Variants in UNC5D observed in about 807,000 individuals in gnomAD.
The protein encoded by UNC5D is unc-5 netrin receptor D, also known as netrin receptor UNC5D.
A neutral mutation model predicts 105.4 loss-of-function variants in UNC5D; 39 were observed. That is an observed-to-expected ratio of 0.37 (90% CI 0.29 to 0.48). The LOEUF (loss-of-function observed/expected upper bound fraction) is 0.48. Among genes scored for constraint, UNC5D ranks in the 20% least tolerant of loss-of-function variants. The probability of loss-of-function intolerance (pLI) is 0.98; values close to 1 mark genes in which losing one functional copy is unlikely to be tolerated. For synonymous variants in UNC5D, 452 were observed against 450.4 expected, an observed-to-expected ratio of 1.00 and a Z score of -0.04; for missense variants, 991 against 1,202.4, an observed-to-expected ratio of 0.82 and a Z score of 2.60.
intron 4 of UNC5D, among the ~76,000 whole-genome samples, chr8:35,632,177 A>G (rs1170354700): frequency 6.6e-6 from 1 of 152,238 alleles, no homozygotes; most frequent in Non-Finnish European, 1.5e-5. Flanking sequence ...GTCACTGGAT[A>G]TGCATTCATT....
intron 4 of UNC5D, among the ~76,000 whole-genome samples, chr8:35,675,263 A>T (rs1318166207): frequency 6.6e-6 from 1 of 152,174 alleles, no homozygotes; most frequent in Non-Finnish European, 1.5e-5. Context: ...CTCTATCCGT[A>T]AAATACAGTT....
At chr8:35,452,543 C>T (rs571476567) in intron 1 of UNC5D, among the ~76,000 whole-genome samples, 16 of 152,222 alleles carry the variant, frequency 1.1e-4, no homozygotes, top group African/African-American at 3.6e-4. Context: ...GGATTACAGG[C>T]GTGAGCCACC....
chr8:35,317,473 C>T (rs1013244716), intron 1 of UNC5D, among the ~76,000 whole-genome samples: 9 of 152,080 alleles, frequency 5.9e-5, no homozygotes, highest in Admixed American at 1.3e-4. Context: ...AGCTGACCAG[C>T]CCCCAAATTT....
chr8:35,458,627 A>AGCCCAGGGATACTGGAAGT (rs1808658012), intron 1 of UNC5D, among the ~76,000 whole-genome samples: 1 of 152,214 alleles, frequency 6.6e-6, no homozygotes, highest in African/African-American at 2.4e-5. Context: ...CCGAGAGCAC[A>AGCCCAGGGATACTGGAAGT]GCCCAGGGAT....
chr8:35,268,420 T>C (rs1805042778), intron 1 of UNC5D, among the ~76,000 whole-genome samples: 1 of 152,146 alleles, frequency 6.6e-6, no homozygotes. Context: ...CATTACAACC[T>C]AGTACTATAG....
chr8:35,595,192 A>G (rs1428782419), intron 3 of UNC5D, among the ~76,000 whole-genome samples: 2 of 152,230 alleles, frequency 1.3e-5, no homozygotes, highest in East Asian at 1.9e-4. Flanking sequence ...TCAACTGCAT[A>G]ATAGCTGTGG....
chr8:35,590,835 A>G (rs1819120671), intron 3 of UNC5D, among the ~76,000 whole-genome samples: 1 of 152,100 alleles, frequency 6.6e-6, no homozygotes, highest in Non-Finnish European at 1.5e-5. Flanking sequence ...TGCGGTCCCC[A>G]CCTTCCTCAC....
At chr8:35,762,037 T>C (rs905989066) in intron 14 of UNC5D, among the ~76,000 whole-genome samples, 1 of 152,296 alleles carries the variant, frequency 6.6e-6, no homozygotes, top group South Asian at 2.1e-4. Context: ...ACATTGTTTA[T>C]AGGACTTTCC....
intron 3 of UNC5D, among the ~76,000 whole-genome samples, chr8:35,574,704 A>T (rs1424195298): frequency 6.6e-6 from 1 of 152,146 alleles, no homozygotes; most frequent in Non-Finnish European, 1.5e-5. Context: ...ATGTAAATAA[A>T]TACATCTAGG....
At chr8:35,741,921 G>A (rs1829782649) in intron 11 of UNC5D, among the ~76,000 whole-genome samples, 1 of 152,134 alleles carries the variant, frequency 6.6e-6, no homozygotes, top group South Asian at 2.1e-4. Context: ...TTTTAAACAA[G>A]CTTCCTAAGA....
chr8:35,444,689 G>A (rs1807660097), intron 1 of UNC5D, among the ~76,000 whole-genome samples: 1 of 151,890 alleles, frequency 6.6e-6, no homozygotes, highest in Non-Finnish European at 1.5e-5. Context: ...GAAATTTCTG[G>A]CCTGGTCCAC....
intron 1 of UNC5D, among the ~76,000 whole-genome samples, chr8:35,393,125 CTTTTTT>C (rs34886215): frequency 6.7e-5 from 5 of 75,096 alleles, no homozygotes; most frequent in Non-Finnish European, 7.7e-5. Context: ...CCTATTCCTA[CTTTTTT>C]TTTTTTTTTT....
At chr8:35,546,663 T>A (rs556236428) in intron 1 of UNC5D, among the ~76,000 whole-genome samples, 99 of 152,368 alleles carry the variant, frequency 6.5e-4, no homozygotes, top group African/African-American at 2.2e-3. Flanking sequence ...TTTTGTCATT[T>A]CCTCTAACAT....
At chr8:35,785,223 A>G (rs1802690941) in intron 16 of UNC5D, among the ~76,000 whole-genome samples, 1 of 152,242 alleles carries the variant, frequency 6.6e-6, no homozygotes, top group Non-Finnish European at 1.5e-5. Flanking sequence ...CACGTAGATT[A>G]GGATCCAAAT....
chr8:35,404,117 G>A (rs1804652430), intron 1 of UNC5D, among the ~76,000 whole-genome samples: 1 of 152,168 alleles, frequency 6.6e-6, no homozygotes, highest in Non-Finnish European at 1.5e-5. Flanking sequence ...AGTTGCTAGA[G>A]CCTCTCTTAT....
chr8:35,338,969 G>A (rs930063050), intron 1 of UNC5D, among the ~76,000 whole-genome samples: 3 of 152,044 alleles, frequency 2.0e-5, no homozygotes, highest in Admixed American at 1.3e-4. Flanking sequence ...GCATTGTAGT[G>A]AATATCACTT....
intron 8 of UNC5D, among the ~76,000 whole-genome samples, chr8:35,709,220 A>G (rs1190217265): frequency 6.6e-6 from 1 of 152,092 alleles, no homozygotes; most frequent in Non-Finnish European, 1.5e-5. Flanking sequence ...CAAAACACAT[A>G]CAGCTTCTCC....
At chr8:35,275,710 C>T (rs1001805405) in intron 1 of UNC5D, among the ~76,000 whole-genome samples, 2 of 152,192 alleles carry the variant, frequency 1.3e-5, no homozygotes, top group African/African-American at 4.8e-5. Context: ...GTGGCAGTTT[C>T]CTCATCTGTA....
At chr8:35,519,827 CATCCTT>C (rs1813342256) in intron 1 of UNC5D, among the ~76,000 whole-genome samples, 1 of 152,038 alleles carries the variant, frequency 6.6e-6, no homozygotes, top group Non-Finnish European at 1.5e-5. Context: ...AAAAGTTCAA[CATCCTT>C]AGCCTTGAGG....
Sources: allele counts gnomAD v4.1 joint callset (sites outside exome capture counted in the v4.1 genomes callset), GRCh38; gene constraint gnomAD v4.1.1; transcripts MANE v1.5; gene names NCBI Gene and HGNC (gene_info 2026-07-23, HGNC 2026-07-21).